The following ESYT2 variants were observed in gnomAD, a reference collection of about 807,000 sequenced individuals.
ESYT2 encodes the protein extended synaptotagmin-2.
A neutral mutation model predicts 107.2 loss-of-function variants in ESYT2; 54 were observed. That is an observed-to-expected ratio of 0.50 (90% confidence interval 0.40 to 0.63). ESYT2 has a LOEUF of 0.63. ESYT2 is among the 30% of genes least tolerant of loss of function. ESYT2 has a pLI of 0.00. For synonymous variants in ESYT2, 491 were observed against 434.1 expected (o/e 1.13, Z -1.63); for missense variants, 1,020 against 1,094.5 (o/e 0.93, Z 0.96).
At chr7:158,781,124 C>CGAGAACAAGTGTGAAACGAATGT (rs759736999) in intron 6 of ESYT2, among the ~76,000 whole-genome samples, 3 of 152,018 alleles carry the variant, frequency 2.0e-5, no homozygotes, top group Non-Finnish European at 2.9e-5. Context: ...TACGAGAGAA[C>CGAGAACAAGTGTGAAACGAATGT]GAGAACAAGT....
intron 1 of ESYT2, among the ~76,000 whole-genome samples, chr7:158,819,711 T>C (rs1840239139): frequency 6.6e-6 from 1 of 152,226 alleles, no homozygotes; most frequent in South Asian, 2.1e-4. Context: ...CATACTTTCT[T>C]CTTTAAATCA....
intron 13 of ESYT2, among the ~76,000 whole-genome samples, chr7:158,753,871 C>A (rs766449937): frequency 2.0e-5 from 3 of 152,082 alleles, no homozygotes. Context: ...CTCTGCTGCC[C>A]GGAAGGACTG....
chr7:158,750,472 G>C (rs1300376333), intron 14 of ESYT2, among the ~76,000 whole-genome samples: 1 of 152,146 alleles, frequency 6.6e-6, no homozygotes, highest in African/African-American at 2.4e-5. Context: ...AAATTAATTA[G>C]AAGGTCACAA....
chr7:158,815,050 G>A (rs750112302), intron 1 of ESYT2, among the ~76,000 whole-genome samples: 20 of 152,298 alleles, frequency 1.3e-4, no homozygotes, highest in Middle Eastern at 3.4e-3. Context: ...TAAAACAAAG[G>A]TGGCGGGTTA....
At chr7:158,811,823 C>A (rs572641967) in intron 1 of ESYT2, among the ~76,000 whole-genome samples, 2 of 152,186 alleles carry the variant, frequency 1.3e-5, no homozygotes, top group African/African-American at 4.8e-5. Context: ...GCTAAACAAC[C>A]AGAATCTGAG....
At chr7:158,810,691 A>G (rs776033559) in intron 1 of ESYT2, among the ~76,000 whole-genome samples, 8 of 151,846 alleles carry the variant, frequency 5.3e-5, no homozygotes, top group Admixed American at 1.3e-4. Context: ...TGGGGGGGAA[A>G]AAAAAAGGCT....
chr7:158,829,003 G>A lies in ESYT2; in HGVS notation c.330+86C>T, dbSNP rs991418694. The stretch of plus-strand genomic sequence containing the variant: ...GGGGTCTGCACTCACCCAGGCGGCA[G>A]GTCGCGGGGAGGGGAGTGCCTGCCT... On this transcript the variant is annotated intron_variant, in intron 1 of 22. Transcript: ENST00000275418. 159 of 1,510,840 alleles carry A rather than the reference G, an allele frequency of 1.1e-4. No individual in the cohort carries two copies. The African/African-American group carries it at 2.2e-3, about 21-fold the overall frequency. 93.6% of individuals were successfully genotyped at this position (1,510,840 alleles called of 1,614,324 possible). A position where few individuals can be genotyped will look rare whatever the true frequency, so the allele number is the denominator to read the frequency against.
At chr7:158,776,120 T>G (rs1838552753) in intron 6 of ESYT2, among the ~76,000 whole-genome samples, 1 of 152,198 alleles carries the variant, frequency 6.6e-6, no homozygotes, top group Non-Finnish European at 1.5e-5. Context: ...GCTTAAAATA[T>G]TTGGTAAACC....
At chr7:158,768,400 C>T (rs559406766) in intron 7 of ESYT2, among the ~76,000 whole-genome samples, 6 of 152,300 alleles carry the variant, frequency 3.9e-5, no homozygotes, top group Admixed American at 2.6e-4. Flanking sequence ...AATAAAATTG[C>T]TTAGGCTAAA....
At chr7:158,829,006 C>G in intron 1 of ESYT2, 83 bp downstream of exon 1, 1 of 1,510,936 alleles carries the variant, frequency 6.6e-7, no homozygotes, top group Middle Eastern at 2.2e-4. Context: ...GGCGGCAGGT[C>G]GCGGGGAGGG....
chr7:158,807,659 C>T (rs2129473872), intron 1 of ESYT2, among the ~76,000 whole-genome samples: 1 of 152,308 alleles, frequency 6.6e-6, no homozygotes, highest in South Asian at 2.1e-4. Flanking sequence ...GTTACACATT[C>T]CCCATAAAGG....
At chr7:158,810,631 G>A (rs1465246940) in intron 1 of ESYT2, among the ~76,000 whole-genome samples, 5 of 151,992 alleles carry the variant, frequency 3.3e-5, no homozygotes, top group African/African-American at 4.8e-5. Context: ...GCAATGGGCC[G>A]TGATTGCGTC....
At chr7:158,767,223 G>A (rs912976846) in intron 8 of ESYT2, among the ~76,000 whole-genome samples, 3 of 152,292 alleles carry the variant, frequency 2.0e-5, no homozygotes, top group Admixed American at 6.5e-5. Flanking sequence ...CAGAGGCAAC[G>A]GAATTCTAAC....
chr7:158,823,294 CAAAAAAAAAAA>C (rs1173735798), intron 1 of ESYT2, among the ~76,000 whole-genome samples: 13 of 29,808 alleles, frequency 4.4e-4, no homozygotes, highest in Non-Finnish European at 7.3e-4. Context: ...GACTCTGTCT[CAAAAAAAAAAA>C]AAAAAAAAAA....
At chr7:158,787,756 C>G (rs1839159231) in intron 6 of ESYT2, among the ~76,000 whole-genome samples, 2 of 152,132 alleles carry the variant, frequency 1.3e-5, no homozygotes, top group East Asian at 3.9e-4. Context: ...TAAGACCCAC[C>G]CTTCTGAAGA....
intron 11 of ESYT2, among the ~76,000 whole-genome samples, chr7:158,760,354 G>A (rs1386817638): frequency 6.6e-6 from 1 of 152,214 alleles, no homozygotes; most frequent in Non-Finnish European, 1.5e-5. Context: ...GCAGCAACAG[G>A]TGTGAGCGAC....
rs1361359434 is a variant in ESYT2 at position 158,829,409 on chromosome 7, C to T, written c.10G>A (p.Ala4Thr). The T allele has an allele frequency of 3.3e-6, 4 of 1,194,946 alleles. No individual in the cohort carries two copies. The African/African-American group carries it at 4.8e-5, about 14-fold the overall frequency. 74.0% of individuals were successfully genotyped at this position (1,194,946 alleles called of 1,614,324 possible). A position where few individuals can be genotyped will look rare whatever the true frequency, so the allele number is the denominator to read the frequency against. The change falls in exon 1 of 23, where the codon GCC becomes ACC. Residue 4 changes from alanine (A) to threonine (T), a missense_variant. Ala to Thr is a moderately conservative substitution (Grantham distance 58). Transcript: ENST00000275418. MSG[A>T]RGEGPEAGAG... ...CCCGCCTCCGGGCCCTCGCCCCGGG[C>T]GCCGCTCATCGCCCCGCAGTGCCGC...
chr7:158,761,409 G>T, intron 11 of ESYT2, 87 bp downstream of exon 11: 1 of 1,112,752 alleles, frequency 9.0e-7, no homozygotes, highest in Non-Finnish European at 1.4e-6. Context: ...ACTGTGTGAT[G>T]GTGAAGGGGT....
intron 13 of ESYT2, among the ~76,000 whole-genome samples, chr7:158,755,124 T>G (rs1376343267): frequency 6.6e-6 from 1 of 152,206 alleles, no homozygotes; most frequent in Non-Finnish European, 1.5e-5. Flanking sequence ...TGTCCTAAGT[T>G]TGCAGATGGG....
Sources: allele counts gnomAD v4.1 joint callset (sites outside exome capture counted in the v4.1 genomes callset), GRCh38; gene constraint gnomAD v4.1.1; transcripts MANE v1.5; gene names NCBI Gene and HGNC (gene_info 2026-07-23, HGNC 2026-07-21).